DMD: variants seen among roughly 807,000 people sequenced by gnomAD.
The protein encoded by DMD is mutant dystrophin.
In DMD, 63 loss-of-function variants were observed where a neutral mutation model predicts 330.1. That is an observed-to-expected ratio of 0.19 (90% CI 0.16 to 0.24). DMD has a LOEUF of 0.24. DMD is among the 10% of genes least tolerant of loss of function. The probability of loss-of-function intolerance (pLI) is 1.00; values close to 1 mark genes in which losing one functional copy is unlikely to be tolerated. For synonymous variants in DMD, 1,223 were observed against 959.8 expected (o/e 1.27, Z -5.07); for missense variants, 3,344 against 2,684.1 (o/e 1.25, Z -5.43).
intron 2 of DMD, among the ~76,000 whole-genome samples, chrX:32,882,641 T>C (rs895584217): frequency 2.7e-5 from 3 of 112,580 alleles, no homozygotes; most frequent in Non-Finnish European, 3.7e-5. Context: ...CGTATCCATA[T>C]GTGCATTCTT....
intron 52 of DMD, among the ~76,000 whole-genome samples, chrX:31,685,389 T>C (rs2082622950): frequency 8.9e-6 from 1 of 111,871 alleles, no homozygotes; most frequent in Non-Finnish European, 1.9e-5. Flanking sequence ...CCCTTTTAAG[T>C]AGATCTTTGA....
intron 11 of DMD, among the ~76,000 whole-genome samples, chrX:32,639,708 T>A (rs778203648): frequency 8.9e-6 from 1 of 112,049 alleles, no homozygotes; most frequent in East Asian, 2.8e-4. Context: ...AAGGAGGAAG[T>A]ATCTGTATGG....
intron 43 of DMD, among the ~76,000 whole-genome samples, chrX:32,241,972 GC>G (rs1187811775): frequency 1.8e-5 from 2 of 111,202 alleles, no homozygotes; most frequent in African/African-American, 6.5e-5. Context: ...TCTCAACCCA[GC>G]CGGTTCTATA....
intron 41 of DMD, among the ~76,000 whole-genome samples, chrX:32,319,905 C>G (rs1337390260): frequency 9.1e-6 from 1 of 110,335 alleles, no homozygotes; most frequent in Non-Finnish European, 1.9e-5. Context: ...GTTTACATAT[C>G]TAGTATATAT....
chrX:31,213,221 G>A (rs1159262027), intron 64 of DMD, among the ~76,000 whole-genome samples: 3 of 112,702 alleles, frequency 2.7e-5, no homozygotes, highest in Non-Finnish European at 5.6e-5. Flanking sequence ...GGCACGAGAT[G>A]ACTTGCTAAA....
intron 59 of DMD, among the ~76,000 whole-genome samples, chrX:31,455,431 T>A (rs770915748): frequency 3.3e-4 from 37 of 111,821 alleles, no homozygotes; most frequent in Non-Finnish European, 5.6e-4. Flanking sequence ...CCATAGTACA[T>A]GATAATCCCT....
chrX:31,555,174 G>A (rs2074734041), intron 55 of DMD, among the ~76,000 whole-genome samples: 1 of 111,850 alleles, frequency 8.9e-6, no homozygotes, highest in Admixed American at 9.5e-5. Context: ...GGAGGGCAGT[G>A]GCGCTAATTG....
At chrX:31,632,797 T>C (rs937822784) in intron 54 of DMD, among the ~76,000 whole-genome samples, 4 of 111,982 alleles carry the variant, frequency 3.6e-5, no homozygotes, top group Non-Finnish European at 7.5e-5. Flanking sequence ...GTAAATTGCA[T>C]TTTGATTTTA....
intron 52 of DMD, among the ~76,000 whole-genome samples, chrX:31,721,714 C>A (rs1327327726): frequency 0.22 from 13,143 of 60,437 alleles, 1,418 homozygotes; most frequent in African/African-American, 0.44. Flanking sequence ...CTCTCTCTCT[C>A]TCTCTATATA....
chrX:32,226,866 A>G (rs1445424400), intron 43 of DMD, among the ~76,000 whole-genome samples: 1 of 111,064 alleles, frequency 9.0e-6, no homozygotes, highest in Non-Finnish European at 1.9e-5. Context: ...AAAAAAATCA[A>G]TCTACATCAG....
chrX:31,978,589 AT>A (rs1408023251), intron 44 of DMD, among the ~76,000 whole-genome samples: 4 of 111,939 alleles, frequency 3.6e-5, no homozygotes, highest in Non-Finnish European at 7.5e-5. Context: ...CGTACATAAC[AT>A]TCAGAACCTC....
intron 74 of DMD, among the ~76,000 whole-genome samples, chrX:31,151,084 A>C (rs772997241): frequency 8.9e-6 from 1 of 111,841 alleles, no homozygotes; most frequent in African/African-American, 3.2e-5. Context: ...CATCGAAGTA[A>C]GTACACCTTC....
intron 51 of DMD, among the ~76,000 whole-genome samples, chrX:31,743,460 G>A (rs1484169226): frequency 8.9e-6 from 1 of 112,447 alleles, no homozygotes; most frequent in East Asian, 2.8e-4. Context: ...GCCCATCAGT[G>A]GCAGACTGGA....
intron 62 of DMD, among the ~76,000 whole-genome samples, chrX:31,276,218 G>A (rs541209669): frequency 4.7e-4 from 52 of 111,059 alleles, no homozygotes; most frequent in African/African-American, 1.4e-3. Flanking sequence ...CACCACGCCC[G>A]GCTAATTTTT....
chrX:33,242,532 G>A (rs751371864), intron 1 of DMD, among the ~76,000 whole-genome samples: 2 of 111,854 alleles, frequency 1.8e-5, no homozygotes, highest in South Asian at 7.5e-4. Context: ...TTTTGCAATT[G>A]CGCTTTGTGT....
Position 32,914,272 on chromosome X carries a change from T to C in DMD, c.94-64452A>G, listed in dbSNP as rs1052162070. Among the ~76,000 whole-genome samples, 7 of 110,935 alleles carry C rather than the reference T, an allele frequency of 6.3e-5. No individual in the cohort carries two copies. The East Asian group carries it at 1.4e-3, about 23-fold the overall frequency. On this transcript the variant is annotated intron_variant, in intron 2 of 78. Transcript: ENST00000357033. ...GAAATGCAACTAACTCTGGGGTGAA[T>C]AGGTACAGATTCAGAGTGGAAAGAC...
chrX:33,338,967 C>T (rs1391101040), intron 1 of DMD, among the ~76,000 whole-genome samples: 1 of 111,289 alleles, frequency 9.0e-6, no homozygotes, highest in Non-Finnish European at 1.9e-5. Context: ...CTGTCATCAT[C>T]TACCTGAAGA....
intron 51 of DMD, among the ~76,000 whole-genome samples, chrX:31,755,081 T>C (rs2088945875): frequency 9.0e-6 from 1 of 111,258 alleles, no homozygotes; most frequent in African/African-American, 3.3e-5. Context: ...GGGATAGAGT[T>C]AGAATTTAAT....
At chrX:32,582,147 A>C (rs1267019445) in intron 13 of DMD, among the ~76,000 whole-genome samples, 2 of 111,614 alleles carry the variant, frequency 1.8e-5, no homozygotes, top group Non-Finnish European at 3.8e-5. Flanking sequence ...CCATTGTACT[A>C]GAGTATTTAT....
Sources: allele counts gnomAD v4.1 joint callset (sites outside exome capture counted in the v4.1 genomes callset), GRCh38; gene constraint gnomAD v4.1.1; transcripts MANE v1.5; gene names NCBI Gene and HGNC (gene_info 2026-07-23, HGNC 2026-07-21).